The following CEP170 variants were observed in gnomAD, a reference collection of about 807,000 sequenced individuals.
CEP170 encodes the protein centrosomal protein of 170 kDa.
Under a neutral mutation model 151.9 loss-of-function variants are expected in CEP170, and 21 were observed. The ratio of observed to expected loss-of-function variants is 0.14; its 90% CI spans 0.10 to 0.20. CEP170 has a LOEUF of 0.20. Ranked by LOEUF, CEP170 falls within the 10% of genes least tolerant of loss-of-function variation. The probability of loss-of-function intolerance (pLI) is 1.00; values close to 1 mark genes in which losing one functional copy is unlikely to be tolerated. For synonymous variants in CEP170, 356 were observed against 648.8 expected (o/e 0.55, Z 6.86); for missense variants, 964 against 1,892.9 (o/e 0.51, Z 9.11).
chr1:243,218,930 T>C (rs112937650), intron 3 of CEP170, among the ~76,000 whole-genome samples: 16 of 152,332 alleles, frequency 1.1e-4, no homozygotes, highest in African/African-American at 3.6e-4. Flanking sequence ...CACTGTGTCC[T>C]CCTACCTCCA....
chr1:243,126,911 A>G (rs1285676165), intron 19 of CEP170, among the ~76,000 whole-genome samples, 173 bp from the exon 20 acceptor site: 1 of 152,192 alleles, frequency 6.6e-6, no homozygotes, highest in Non-Finnish European at 1.5e-5. Context: ...TGTACTGTAA[A>G]TCACCCAGCC....
chr1:243,156,179 A>G, intron 14 of CEP170, 42 bp downstream of exon 14: 1 of 1,544,560 alleles, frequency 6.5e-7, no homozygotes, highest in Non-Finnish European at 8.7e-7. Flanking sequence ...TGTAATGTTC[A>G]TAGAAATTTT....
At chr1:243,250,558 CT>C (rs2065843696) in intron 1 of CEP170, among the ~76,000 whole-genome samples, 1 of 152,152 alleles carries the variant, frequency 6.6e-6, no homozygotes, top group Admixed American at 6.5e-5. Flanking sequence ...AGGCTGCCAA[CT>C]TTTTATTGGT....
At chr1:243,163,930 C>T (rs186191278) in intron 13 of CEP170, among the ~76,000 whole-genome samples, 1 of 152,296 alleles carries the variant, frequency 6.6e-6, no homozygotes, top group African/African-American at 2.4e-5. Flanking sequence ...ATGTTAATTC[C>T]TATACTTTAA....
chr1:243,178,212 C>T (rs1204808888), intron 10 of CEP170, among the ~76,000 whole-genome samples: 1 of 149,780 alleles, frequency 6.7e-6, no homozygotes, highest in Non-Finnish European at 1.5e-5. Flanking sequence ...GCTTGTAGTC[C>T]CAGCTACTAG....
intron 13 of CEP170, among the ~76,000 whole-genome samples, chr1:243,161,252 G>A (rs1039541242): frequency 1.3e-5 from 2 of 150,518 alleles, no homozygotes; most frequent in African/African-American, 4.9e-5. Flanking sequence ...GCAGTAAGCC[G>A]AGATTGTGCC....
chr1:243,211,017 C>T (rs1032028012), intron 4 of CEP170, among the ~76,000 whole-genome samples: 2 of 151,118 alleles, frequency 1.3e-5, no homozygotes, highest in African/African-American at 4.9e-5. Context: ...TTTTCTGCTA[C>T]GGTGACAAAA....
intron 1 of CEP170, among the ~76,000 whole-genome samples, chr1:243,230,821 C>T (rs1201188383): frequency 6.6e-6 from 1 of 152,114 alleles, no homozygotes; most frequent in Non-Finnish European, 1.5e-5. Context: ...GGAAATATGA[C>T]AGAAAAGTAT....
intron 8 of CEP170, among the ~76,000 whole-genome samples, chr1:243,187,029 T>G (rs2059981846): frequency 6.6e-6 from 1 of 152,224 alleles, no homozygotes; most frequent in African/African-American, 2.4e-5. Context: ...GCTATGAGAA[T>G]TTTTGAAAAC....
chr1:243,220,348 C>T (rs913398181), intron 3 of CEP170, among the ~76,000 whole-genome samples: 2 of 151,382 alleles, frequency 1.3e-5, no homozygotes, highest in Non-Finnish European at 1.5e-5. Flanking sequence ...GTGGATAATG[C>T]TAAATGTGAG....
intron 13 of CEP170, among the ~76,000 whole-genome samples, chr1:243,161,794 TTAACATTCTTTTAAA>T (rs1558458367): frequency 6.6e-6 from 1 of 152,226 alleles, no homozygotes. Flanking sequence ...TCGGCATGAT[TTAACATTCTTTTAAA>T]TCATGTTTCA....
At position 243,145,072 on chromosome 1, in the gene CEP170, T is replaced by A. The variant is rs550584019; in HGVS notation, c.3912-2609A>T. Among the ~76,000 whole-genome samples the A allele has an allele frequency of 5.9e-3, 904 of 152,202 alleles. 6 individuals carry two copies. Among genetic ancestry groups the A allele is most frequent in the African/African-American group, 0.021 (858 of 41,512 alleles). On this transcript the variant is annotated intron_variant, in intron 14 of 19. Transcript: ENST00000366542. ...TTTTTTTCACTGAAGGGTTGTATACTGGAAAAAATAATTGTACATTTGGGT... is the reference window on the plus strand; with the variant it reads ...TTTTTTTCACTGAAGGGTTGTATACAGGAAAAAATAATTGTACATTTGGGT...
chr1:243,151,028 G>A (rs2057018582), intron 14 of CEP170, among the ~76,000 whole-genome samples: 1 of 152,158 alleles, frequency 6.6e-6, no homozygotes, highest in Admixed American at 6.5e-5. Flanking sequence ...TTATCTCAGA[G>A]TTCAGCCGCA....
At chr1:243,131,963 G>A (rs1242490517) in intron 17 of CEP170, among the ~76,000 whole-genome samples, 2 of 152,214 alleles carry the variant, frequency 1.3e-5, no homozygotes, top group Non-Finnish European at 2.9e-5. Flanking sequence ...TGCGAACGCG[G>A]AGTTGCGAAT....
At chr1:243,237,809 G>A (rs2064391762) in intron 1 of CEP170, among the ~76,000 whole-genome samples, 1 of 152,090 alleles carries the variant, frequency 6.6e-6, no homozygotes, top group African/African-American at 2.4e-5. Flanking sequence ...GGGTGGTGAG[G>A]CAGGAGAATT....
At chr1:243,233,505 G>A (rs1400668225) in intron 1 of CEP170, among the ~76,000 whole-genome samples, 7 of 151,760 alleles carry the variant, frequency 4.6e-5, no homozygotes, top group Non-Finnish European at 8.8e-5. Flanking sequence ...AGGCCGAGGC[G>A]GGCAGATCAC....
chr1:243,215,693 T>G (rs1162558520), intron 3 of CEP170, among the ~76,000 whole-genome samples: 2 of 152,182 alleles, frequency 1.3e-5, no homozygotes, highest in Non-Finnish European at 2.9e-5. Flanking sequence ...TAATTTCACC[T>G]GGGTCCTGTG....
chr1:243,251,049 C>G (rs1437799094), intron 1 of CEP170, among the ~76,000 whole-genome samples: 2 of 152,158 alleles, frequency 1.3e-5, no homozygotes, highest in Non-Finnish European at 2.9e-5. Context: ...AAGAGAAAAT[C>G]TAGCTAATAT....
chr1:243,131,572 T>C (rs953648569), intron 17 of CEP170, among the ~76,000 whole-genome samples: 4 of 152,068 alleles, frequency 2.6e-5, no homozygotes, highest in African/African-American at 9.7e-5. Flanking sequence ...ACTTGTCATT[T>C]TGGCATTATG....
Sources: allele counts gnomAD v4.1 joint callset (sites outside exome capture counted in the v4.1 genomes callset), GRCh38; gene constraint gnomAD v4.1.1; transcripts MANE v1.5; gene names NCBI Gene and HGNC (gene_info 2026-07-23, HGNC 2026-07-21).